DSC1: variants seen among roughly 807,000 people sequenced by gnomAD.
DSC1 encodes desmocollin-1.
A neutral mutation model predicts 98.8 loss-of-function variants in DSC1; 79 were observed. The observed-to-expected ratio is 0.80, with a 90% confidence interval of 0.67 to 0.96. The LOEUF (loss-of-function observed/expected upper bound fraction) is 0.96, where lower values mean the gene tolerates loss of function less well. Among genes scored for constraint, DSC1 ranks in the 50% least tolerant of loss-of-function variants. The probability of loss-of-function intolerance (pLI) is 0.00; values close to 1 mark genes in which losing one functional copy is unlikely to be tolerated. For missense variants in DSC1, 1,115 were observed against 1,075.9 expected (o/e 1.04, Z -0.51); for synonymous variants, 405 against 372.1 (o/e 1.09, Z -1.02).
At chr18:31,155,970 G>A in intron 4 of DSC1, 73 bp downstream of exon 4, 14 of 1,487,648 alleles carry the variant, frequency 9.4e-6, no homozygotes, top group Non-Finnish European at 1.2e-5. Flanking sequence ...TCAATATGCT[G>A]TGCAATTCAA....
At chr18:31,150,369 CCACCA>C (rs1988964743) in intron 5 of DSC1, among the ~76,000 whole-genome samples, 1 of 3,040 alleles carries the variant, frequency 3.3e-4, no homozygotes, top group African/African-American at 1.6e-3. Context: ...ATCATCACCA[CCACCA>C]TCATCACCAC....
In DSC1 at chr18:31,141,980, G is replaced by T; in HGVS notation, c.1260+19C>A. 2 of 1,588,140 alleles carry T rather than the reference G, an allele frequency of 1.3e-6. No homozygotes were observed. The highest frequency in any genetic ancestry group is 2.3e-5 in the South Asian group (2 of 86,600). On this transcript the variant is annotated intron_variant, in intron 9 of 15. Transcript: ENST00000257198. ...GTTAGGATATTTTAAAGCATAGCCT[G>T]ATTATTTTATTTGTTTACCTTGACA...
rs752462997 is a variant in DSC1 at position 31,145,736 on chromosome 18, G to A, written c.814C>T (p.Pro272Ser). ...TTCAGACGAGTATGGAGAGTGTCAG[G>A]TTCGTCAAGGTCTGTGGCGGTCACT... ...GKVTATDLDE[P>S]DTLHTRLKYK... Residue 272 changes from proline to serine, a missense_variant, in exon 7 of 16, where the codon CCT (proline) becomes TCT (serine). Transcript: ENST00000257198. 1.2e-6 allele frequency: 2 copies of A among 1,614,036 alleles called. No homozygotes were observed. The highest frequency in any genetic ancestry group is 1.7e-5 in the Admixed American group (1 of 60,008).
intron 6 of DSC1, among the ~76,000 whole-genome samples, chr18:31,146,407 A>C (rs1353451018): frequency 6.6e-6 from 1 of 152,180 alleles, no homozygotes; most frequent in Non-Finnish European, 1.5e-5. Flanking sequence ...GTTGCTGCAA[A>C]AGACATGATT....
chr18:31,152,169 C>CAAA (rs147500839), intron 5 of DSC1, among the ~76,000 whole-genome samples: 1,700 of 150,276 alleles, frequency 0.011, 39 homozygotes, highest in African/African-American at 0.039. Flanking sequence ...ATCAAAAAAA[C>CAAA]AACAAAAAAA....
At chr18:31,148,710 A>G (rs1988899665) in intron 5 of DSC1, 68 bp from the exon 6 acceptor site, 1 of 1,397,588 alleles carries the variant, frequency 7.2e-7, no homozygotes, top group African/African-American at 1.5e-5. Flanking sequence ...TAAGCCTAGC[A>G]GTGGGGGAAA....
At chr18:31,139,686 C>T (rs1988686982) in intron 11 of DSC1, 62 bp downstream of exon 11, 1 of 1,424,650 alleles carries the variant, frequency 7.0e-7, no homozygotes. Flanking sequence ...CAGATTTCAC[C>T]ACAAGGTTTC....
chr18:31,153,641 T>C (rs1989041544), intron 5 of DSC1, among the ~76,000 whole-genome samples: 1 of 152,296 alleles, frequency 6.6e-6, no homozygotes, highest in South Asian at 2.1e-4. Context: ...ATCCTTACGA[T>C]AGAATCTACT....
In DSC1 at chr18:31,148,597, G is replaced by T; in HGVS notation, c.673C>A (p.Pro225Thr). ...TTADGYAPEYPLPLIIKIEDD... is the reference protein window; with the variant it reads ...TTADGYAPEYTLPLIIKIEDD... ...TCAATTTTGATGATCAAAGGGAGTG[G>T]ATATTCTGGTGCATAGCCATCTGCA... is the stretch of plus-strand genomic sequence containing the variant. The change falls in exon 6 of 16, where the codon CCA (proline) becomes ACA (threonine). Residue 225 changes from proline to threonine, a missense_variant. By Grantham distance (38) the Pro-to-Thr change is conservative (BLOSUM62 -1). Coordinates refer to ENST00000257198, the MANE Select transcript of DSC1 (RefSeq NM_024421.2). 6.2e-7 allele frequency: 1 copy of T among 1,608,920 alleles called. No individual in the cohort carries two copies.
rs146903141 is a variant in DSC1, at chr18:31,140,406, A to G, written c.1261-105T>C. 532 of 1,258,534 alleles carry G rather than the reference A, an allele frequency of 4.2e-4. 1 individual carries two copies. The African/African-American group carries it at 7.1e-3, about 17-fold the overall frequency. 78.0% of individuals were successfully genotyped at this position (1,258,534 alleles called of 1,614,324 possible). ...AATATCATTTTTACATTTAAAATGT[A>G]ACCTAAAGTTAGGTCTAATACAGTT... On this transcript the variant is annotated intron_variant, in intron 9 of 15. Transcript: ENST00000257198.
chr18:31,154,678 T>C, intron 5 of DSC1, 96 bp downstream of exon 5: 1 of 1,114,816 alleles, frequency 9.0e-7, no homozygotes. Flanking sequence ...TTAAATCAAA[T>C]AATTGATTCT....
chr18:31,131,545 C>G (rs758184778), intron 15 of DSC1, 49 bp downstream of exon 15: 1 of 1,599,566 alleles, frequency 6.3e-7, no homozygotes, highest in Non-Finnish European at 8.5e-7. Context: ...TGATTTATAA[C>G]TAGCATTTAA....
Position 31,140,225 on chromosome 18 carries a change from G to T in DSC1, c.1337C>A (p.Ala446Glu). Residue 446 changes from alanine (A) to glutamate (E), a missense_variant, in exon 10 of 16, where the codon GCG (alanine) becomes GAG (glutamate). Transcript: ENST00000257198. ...VINEAQFSKA[A>E]SSQTPTMCTT... ...GCACATTGTAGGAGTTTGTGAGCTC[G>T]CTGCTTTAGAGAATTGTGCCTCGTT... The T allele has an allele frequency of 6.2e-7, 1 of 1,613,978 alleles. No homozygotes were observed. The highest frequency in any genetic ancestry group is 1.1e-5 in the South Asian group (1 of 91,078).
chr18:31,161,880 T>C (rs1023744139), intron 1 of DSC1, among the ~76,000 whole-genome samples: 8 of 152,096 alleles, frequency 5.3e-5, no homozygotes, highest in African/African-American at 1.7e-4. Context: ...AATGAAAAAA[T>C]AGGAAACTCA....
chr18:31,149,048 C>T (rs1334906161), intron 5 of DSC1, among the ~76,000 whole-genome samples: 1 of 152,178 alleles, frequency 6.6e-6, no homozygotes, highest in African/African-American at 2.4e-5. Flanking sequence ...ATTTCAGGAA[C>T]TCAATTATAT....
chr18:31,159,542 A>G lies in DSC1; in HGVS notation c.64-13T>C, dbSNP rs2058169771. ...GTAATGTTAAAACCTCAAAAAAAAA[A>G]AAAGAAAAAATATCAGGAATTAAAT... On this transcript the variant is annotated splice_polypyrimidine_tract_variant and intron_variant, in intron 1 of 15. Transcript: ENST00000257198. The G allele has an allele frequency of 6.3e-7, 1 of 1,586,082 alleles. No individual in the cohort carries two copies. The highest frequency in any genetic ancestry group is 8.5e-7 in the Non-Finnish European group (1 of 1,171,354).
chr18:31,143,526 A>G lies in DSC1; in HGVS notation c.1074+131T>C, dbSNP rs1988780263. The G allele has an allele frequency of 1.2e-5, 7 of 584,504 alleles. No individual in the cohort carries two copies. The South Asian group carries it at 1.4e-4, about 12-fold the overall frequency. 36.2% of individuals were successfully genotyped at this position (584,504 alleles called of 1,614,324 possible). A position where few individuals can be genotyped will look rare whatever the true frequency, so the allele number is the denominator to read the frequency against. ...GTACAGAAATCATATTTTTCTCCCT[A>G]TGTTATTTGTAAGTAGTAGTTATTT... On this transcript the variant is annotated intron_variant, in intron 8 of 15. Transcript: ENST00000257198.
chr18:31,162,337 G>T (rs1258669426), intron 1 of DSC1, among the ~76,000 whole-genome samples, 195 bp downstream of exon 1: 1 of 152,200 alleles, frequency 6.6e-6, no homozygotes, highest in East Asian at 1.9e-4. Context: ...TGCTTGAGAA[G>T]TAAGCTGAAC....
At position 31,145,717 on chromosome 18, in the gene DSC1, C is replaced by G; in HGVS notation, c.833G>C (p.Arg278Pro). The G allele has an allele frequency of 6.2e-7, 1 of 1,614,096 alleles. No individual in the cohort carries two copies. Among genetic ancestry groups the G allele is most frequent in the Non-Finnish European group, 8.5e-7 (1 of 1,180,026 alleles). Residue 278 changes from arginine to proline, a missense_variant, in exon 7 of 16, where the codon CGT becomes CCT. Transcript: ENST00000257198. ...DLDEPDTLHT[R>P]LKYKILQQIP... ...TTGTTGTAAGATTTTATATTTCAGACGAGTATGGAGAGTGTCAGGTTCGTC... is the reference window on the plus strand; with the variant it reads ...TTGTTGTAAGATTTTATATTTCAGAGGAGTATGGAGAGTGTCAGGTTCGTC...
Sources: allele counts gnomAD v4.1 joint callset (sites outside exome capture counted in the v4.1 genomes callset), GRCh38; gene constraint gnomAD v4.1.1; transcripts MANE v1.5; gene names NCBI Gene and HGNC (gene_info 2026-07-23, HGNC 2026-07-21).